PLCB1: variants seen among roughly 807,000 people sequenced by gnomAD.
PLCB1 encodes the protein 1-phosphatidylinositol 4,5-bisphosphate phosphodiesterase beta-1.
In PLCB1, 46 loss-of-function variants were observed where a neutral mutation model predicts 161.8. The ratio of observed to expected loss-of-function variants is 0.28; its 90% CI spans 0.22 to 0.36. The LOEUF is 0.36. Among genes scored for constraint, PLCB1 ranks in the 10% least tolerant of loss-of-function variants. PLCB1 has a pLI of 1.00. For synonymous variants in PLCB1, 517 were observed against 503.7 expected, an observed-to-expected ratio of 1.03 and a Z score of -0.35; for missense variants, 1,016 against 1,472.5, an observed-to-expected ratio of 0.69 and a Z score of 5.07.
chr20:8,163,127 T>C (rs2051641994), intron 2 of PLCB1, among the ~76,000 whole-genome samples: 2 of 152,076 alleles, frequency 1.3e-5, no homozygotes, highest in African/African-American at 4.8e-5. Context: ...CCCCAGAAAG[T>C]GTGGGCAGGG....
At chr20:8,515,311 T>C (rs1047890110) in intron 3 of PLCB1, among the ~76,000 whole-genome samples, 1 of 152,238 alleles carries the variant, frequency 6.6e-6, no homozygotes, top group African/African-American at 2.4e-5. Flanking sequence ...GTTGTTAGCA[T>C]GAAGACACCA....
At chr20:8,650,823 G>A (rs1989295805) in intron 7 of PLCB1, among the ~76,000 whole-genome samples, 1 of 148,828 alleles carries the variant, frequency 6.7e-6, no homozygotes, top group Non-Finnish European at 1.5e-5. Flanking sequence ...ATACTTTACA[G>A]AGCTGTGCTC....
intron 3 of PLCB1, among the ~76,000 whole-genome samples, chr20:8,518,657 A>G (rs1235167185): frequency 6.6e-6 from 1 of 152,084 alleles, no homozygotes; most frequent in East Asian, 1.9e-4. Flanking sequence ...GGTTTCATGA[A>G]AGACAATTTT....
In PLCB1 at chr20:8,331,853, C is replaced by G. The variant is rs6086407; in HGVS notation, c.178-39529C>G. Among the ~76,000 whole-genome samples, 4 of 152,140 alleles carry G rather than the reference C, an allele frequency of 2.6e-5. No individual in the cohort carries two copies. In the East Asian group the frequency reaches 7.7e-4, roughly 29 times the overall value. On this transcript the variant is annotated intron_variant, in intron 2 of 31. Coordinates refer to ENST00000338037, the MANE Select transcript of PLCB1 (RefSeq NM_015192.4). ...GTTTGCTTCATATGGCTTAATATCA[C>G]TTCACTCTGCAGAATTATGGAATGT...
intron 2 of PLCB1, among the ~76,000 whole-genome samples, chr20:8,198,951 G>GAC (rs139256873): frequency 0.064 from 9,553 of 149,412 alleles, 340 homozygotes; most frequent in Middle Eastern, 0.087. Flanking sequence ...CAGACAGACA[G>GAC]ACACACACAC....
chr20:8,445,942 G>A (rs1980803611), intron 3 of PLCB1, among the ~76,000 whole-genome samples: 1 of 152,150 alleles, frequency 6.6e-6, no homozygotes, highest in Non-Finnish European at 1.5e-5. Context: ...AAAAGTCCAG[G>A]ACCAGACGGA....
At chr20:8,345,409 TA>T (rs1378511023) in intron 2 of PLCB1, among the ~76,000 whole-genome samples, 1 of 152,196 alleles carries the variant, frequency 6.6e-6, no homozygotes, top group Admixed American at 6.6e-5. Context: ...GCCTCGTGTT[TA>T]AAAATAGTTT....
intron 31 of PLCB1, among the ~76,000 whole-genome samples, chr20:8,820,038 C>A (rs75866598): frequency 0.027 from 3,983 of 148,614 alleles, 167 homozygotes; most frequent in African/African-American, 0.093. Context: ...ATTACTTATA[C>A]TACCTAAAAT....
intron 3 of PLCB1, among the ~76,000 whole-genome samples, chr20:8,518,528 ATTGTCAGTTT>A (rs11470890): frequency 0.19 from 29,326 of 151,996 alleles, 2,975 homozygotes; most frequent in African/African-American, 0.24. Context: ...TGTTCAGAAC[ATTGTCAGTTT>A]CAGAGAAAGA....
At chr20:8,191,128 A>G (rs553076938) in intron 2 of PLCB1, among the ~76,000 whole-genome samples, 1 of 151,740 alleles carries the variant, frequency 6.6e-6, no homozygotes, top group Non-Finnish European at 1.5e-5. Context: ...ATAATTTCTT[A>G]TTTTTTATTT....
chr20:8,359,173 A>G (rs1986459668), intron 2 of PLCB1, among the ~76,000 whole-genome samples: 1 of 152,112 alleles, frequency 6.6e-6, no homozygotes, highest in Admixed American at 6.6e-5. Context: ...CTCTCTGTTC[A>G]TAAAGAGGTA....
At chr20:8,786,230 T>C (rs1012648768) in intron 27 of PLCB1, among the ~76,000 whole-genome samples, 1 of 152,152 alleles carries the variant, frequency 6.6e-6, no homozygotes, top group Non-Finnish European at 1.5e-5. Flanking sequence ...TTCAGCTAAA[T>C]AGAGACGTTG....
At chr20:8,440,412 C>T (rs901613330) in intron 3 of PLCB1, among the ~76,000 whole-genome samples, 4 of 152,134 alleles carry the variant, frequency 2.6e-5, no homozygotes, top group Non-Finnish European at 4.4e-5. Flanking sequence ...ACAGCTAGAA[C>T]ATTGAAGAAA....
intron 3 of PLCB1, among the ~76,000 whole-genome samples, chr20:8,602,255 CCT>C (rs1987611071): frequency 6.6e-6 from 1 of 151,746 alleles, no homozygotes; most frequent in Non-Finnish European, 1.5e-5. Flanking sequence ...TCTTGGTATT[CCT>C]AGAATAGAGG....
rs189527173 is a variant in PLCB1 at position 8,224,496 on chromosome 20, T to C, written c.177+74125T>C. Among the ~76,000 whole-genome samples the C allele has an allele frequency of 1.8e-3, 274 of 152,274 alleles. 1 individual carries two copies. The highest frequency in any genetic ancestry group is 4.5e-3 in the African/African-American group (185 of 41,566). ...AGACTACATTTTGAAATCTTTTGTT[T>C]TGTGAAGTATACACCACACATAAAA... On this transcript the variant is annotated intron_variant, in intron 2 of 31. Coordinates refer to ENST00000338037, the MANE Select transcript of PLCB1 (RefSeq NM_015192.4).
At chr20:8,448,830 A>G (rs1458357895) in intron 3 of PLCB1, among the ~76,000 whole-genome samples, 1 of 152,208 alleles carries the variant, frequency 6.6e-6, no homozygotes, top group African/African-American at 2.4e-5. Flanking sequence ...ACCAACCTCA[A>G]TAGTTTAAGG....
intron 2 of PLCB1, among the ~76,000 whole-genome samples, chr20:8,269,191 C>A (rs566208122): frequency 1.3e-5 from 2 of 152,108 alleles, no homozygotes; most frequent in African/African-American, 4.8e-5. Flanking sequence ...CCCATCAACC[C>A]GTCATCTATA....
chr20:8,622,082 C>CCT (rs397744370), intron 3 of PLCB1, among the ~76,000 whole-genome samples: 71 of 151,502 alleles, frequency 4.7e-4, no homozygotes, highest in Admixed American at 1.2e-3. Flanking sequence ...ATGGTGAAAC[C>CCT]GTCTCTACTC....
chr20:8,313,860 T>C (rs147169239), intron 2 of PLCB1, among the ~76,000 whole-genome samples: 1,634 of 152,312 alleles, frequency 0.011, 9 homozygotes, highest in Middle Eastern at 0.034. Context: ...AAGCCTAATA[T>C]CTGTGTCATT....
Sources: allele counts gnomAD v4.1 joint callset (sites outside exome capture counted in the v4.1 genomes callset), GRCh38; gene constraint gnomAD v4.1.1; transcripts MANE v1.5; gene names NCBI Gene and HGNC (gene_info 2026-07-23, HGNC 2026-07-21).